ESRRG: variants seen among roughly 807,000 people sequenced by gnomAD.
ESRRG encodes estrogen-related receptor gamma.
In ESRRG, 13 loss-of-function variants were observed where a neutral mutation model predicts 44.0. The ratio of observed to expected loss-of-function variants is 0.30; its 90% confidence interval spans 0.19 to 0.47. ESRRG has a LOEUF of 0.47. Ranked by LOEUF, ESRRG falls within the 20% of genes least tolerant of loss-of-function variation. The pLI, the probability that ESRRG is intolerant of heterozygous loss-of-function variation, is 1.00. For missense variants in ESRRG, 395 were observed against 580.6 expected, an observed-to-expected ratio of 0.68 and a Z score of 3.29; for synonymous variants, 215 against 214.6, an observed-to-expected ratio of 1.00 and a Z score of -0.02.
At chr1:216,602,961 C>T (rs962739410) in intron 3 of ESRRG, among the ~76,000 whole-genome samples, 6 of 152,058 alleles carry the variant, frequency 3.9e-5, no homozygotes, top group African/African-American at 1.4e-4. Context: ...TATATAGCCC[C>T]ATCTATATAG....
intron 2 of ESRRG, among the ~76,000 whole-genome samples, chr1:216,784,132 C>T (rs2094035750): frequency 1.3e-5 from 2 of 151,906 alleles, no homozygotes; most frequent in African/African-American, 4.8e-5. Flanking sequence ...AAATTTCTTA[C>T]TACCCCATAT....
In ESRRG at chr1:216,650,967, C is replaced by G. The variant is rs183091369; in HGVS notation, c.589+6G>C. The G allele has an allele frequency of 1.3e-6, 2 of 1,577,336 alleles. No individual in the cohort carries two copies. The highest frequency in any genetic ancestry group is 1.7e-6 in the Non-Finnish European group (2 of 1,146,572). ...AAACCTCAGGGGCACTAGCAAAGAG[C>G]CTTACCTTCTTTCAGCATGCCCACT... On this transcript the variant is annotated splice_donor_region_variant and intron_variant, in intron 3 of 6. Transcript: ENST00000408911.
At chr1:217,020,861 A>G (rs2150915879) in intron 1 of ESRRG, among the ~76,000 whole-genome samples, 1 of 152,354 alleles carries the variant, frequency 6.6e-6, no homozygotes, top group East Asian at 1.9e-4. Flanking sequence ...ATTTACATTT[A>G]GAAATTCATC....
intron 1 of ESRRG, among the ~76,000 whole-genome samples, chr1:217,007,313 C>T (rs1411155856): frequency 3.9e-5 from 6 of 152,178 alleles, no homozygotes; most frequent in South Asian, 4.1e-4. Flanking sequence ...TGGTTCCAGG[C>T]TAAAATTTTA....
intron 2 of ESRRG, among the ~76,000 whole-genome samples, chr1:216,768,212 G>A (rs997088502): frequency 3.9e-5 from 6 of 152,040 alleles, no homozygotes; most frequent in South Asian, 2.1e-4. Flanking sequence ...CAAATTCCAA[G>A]ACATATCCTT....
At chr1:216,636,174 G>T (rs549359074) in intron 3 of ESRRG, among the ~76,000 whole-genome samples, 1 of 152,148 alleles carries the variant, frequency 6.6e-6, no homozygotes, top group South Asian at 2.1e-4. Context: ...CAAATTCTAT[G>T]ATCTTACTAG....
chr1:217,051,754 C>T (rs1307032428), intron 1 of ESRRG, among the ~76,000 whole-genome samples: 2 of 152,030 alleles, frequency 1.3e-5, no homozygotes, highest in Non-Finnish European at 1.5e-5. Flanking sequence ...CCTATTCTGC[C>T]CTCCCATCCC....
intron 2 of ESRRG, among the ~76,000 whole-genome samples, chr1:216,850,785 AGTT>A (rs2095830636): frequency 6.6e-6 from 1 of 152,056 alleles, no homozygotes; most frequent in Admixed American, 6.6e-5. Flanking sequence ...ATTGATCATA[AGTT>A]TCATATTTTT....
intron 1 of ESRRG, among the ~76,000 whole-genome samples, chr1:217,016,406 C>T (rs2079393219): frequency 6.6e-6 from 1 of 152,048 alleles, no homozygotes; most frequent in Admixed American, 6.6e-5. Flanking sequence ...ACCATCTCTT[C>T]CTCAGAACAA....
chr1:216,574,687 G>A (rs978430183), intron 3 of ESRRG, among the ~76,000 whole-genome samples: 2 of 152,018 alleles, frequency 1.3e-5, no homozygotes, highest in African/African-American at 4.8e-5. Flanking sequence ...TAAGAAAGAC[G>A]CAAATATTCA....
In ESRRG at chr1:216,520,295, A is replaced by T. The variant is rs1360999824; in HGVS notation, c.863-874T>A. On this transcript the variant is annotated intron_variant, in intron 5 of 6. Coordinates refer to ENST00000408911, the MANE Select transcript of ESRRG (RefSeq NM_001438.4). The stretch of plus-strand genomic sequence containing the variant: ...AATATAAAATATCACCTACCTAAAC[A>T]TTAAGCTATAACCTGAAATTCAGTA... 2.0e-5 allele frequency among the ~76,000 whole-genome samples: 3 copies of T among 152,114 alleles called. No homozygotes were observed. The East Asian group carries it at 5.8e-4, about 29-fold the overall frequency.
chr1:216,516,668 C>CACACACACACACACACACACAG lies in ESRRG; in HGVS notation c.1132+2483_1132+2484insCTGTGTGTGTGTGTGTGTGTGT, dbSNP rs376701865. 1.6e-3 allele frequency among the ~76,000 whole-genome samples: 220 copies of CACACACACACACACACACACAG among 137,200 alleles called. 4 individuals carry two copies. Among genetic ancestry groups the CACACACACACACACACACACAG allele is most frequent in the South Asian group, 0.01 (45 of 4,314 alleles). 90.0% of individuals were successfully genotyped at this position (137,200 alleles called of 152,430 possible). On this transcript the variant is annotated intron_variant, in intron 6 of 6. Coordinates refer to ENST00000408911, the MANE Select transcript of ESRRG (RefSeq NM_001438.4). ...ACACACACACACACACACACACACACAGAGAGAGAGAGAGAAACGACAAAA... is the reference window on the plus strand; with the variant it reads ...ACACACACACACACACACACACACACACACACACACACACACACACAGAGAGAGAGAGAGAGAAACGACAAAA...
At chr1:217,108,828 A>G (rs540453127) in intron 1 of ESRRG, among the ~76,000 whole-genome samples, 4 of 152,260 alleles carry the variant, frequency 2.6e-5, no homozygotes, top group South Asian at 2.1e-4. Context: ...TTTATAAATT[A>G]CCCAGTATCA....
chr1:216,954,249 T>C (rs2067519599), intron 1 of ESRRG, among the ~76,000 whole-genome samples: 1 of 152,018 alleles, frequency 6.6e-6, no homozygotes, highest in Non-Finnish European at 1.5e-5. Context: ...CTATAAGTAA[T>C]AACTCAACAT....
At chr1:217,043,356 T>G (rs1352822047) in intron 1 of ESRRG, among the ~76,000 whole-genome samples, 1 of 152,198 alleles carries the variant, frequency 6.6e-6, no homozygotes, top group Non-Finnish European at 1.5e-5. Flanking sequence ...CTCTCCCATT[T>G]ACACAAACAA....
At chr1:216,951,193 CTATT>C (rs2066891401) in intron 1 of ESRRG, among the ~76,000 whole-genome samples, 1 of 152,162 alleles carries the variant, frequency 6.6e-6, no homozygotes, top group Non-Finnish European at 1.5e-5. Flanking sequence ...ACTGATGTCA[CTATT>C]TATAGCCCAA....
chr1:216,879,847 A>T (rs942837112), intron 2 of ESRRG, among the ~76,000 whole-genome samples: 6 of 152,164 alleles, frequency 3.9e-5, no homozygotes, highest in Non-Finnish European at 5.9e-5. Context: ...CCATATTTAA[A>T]CTGGCAAAAT....
intron 2 of ESRRG, among the ~76,000 whole-genome samples, chr1:216,735,716 C>T (rs2089736064): frequency 6.6e-6 from 1 of 152,010 alleles, no homozygotes; most frequent in Non-Finnish European, 1.5e-5. Context: ...AGTGGTGGTT[C>T]ATGCCTGTAA....
At chr1:216,633,488 C>T (rs1291769446) in intron 3 of ESRRG, among the ~76,000 whole-genome samples, 5 of 152,198 alleles carry the variant, frequency 3.3e-5, no homozygotes, top group African/African-American at 1.2e-4. Context: ...TGTACATATG[C>T]TGCATATACC....
Sources: allele counts gnomAD v4.1 joint callset (sites outside exome capture counted in the v4.1 genomes callset), GRCh38; gene constraint gnomAD v4.1.1; transcripts MANE v1.5; gene names NCBI Gene and HGNC (gene_info 2026-07-23, HGNC 2026-07-21).